Variants in PTCHD4 observed in about 807,000 individuals in gnomAD.
PTCHD4 encodes the protein patched domain containing 4, also known as patched domain-containing protein 4.
Under a neutral mutation model 58.1 loss-of-function variants are expected in PTCHD4, and 33 were observed. That is an observed-to-expected ratio of 0.57 (90% CI 0.43 to 0.76). The LOEUF is 0.76. PTCHD4 is among the 30% of genes least tolerant of loss of function. The pLI, the probability that PTCHD4 is intolerant of heterozygous loss-of-function variation, is 0.00. For missense variants in PTCHD4, 1,058 were observed against 1,027.1 expected, an observed-to-expected ratio of 1.03 and a Z score of -0.41; for synonymous variants, 478 against 409.6, an observed-to-expected ratio of 1.17 and a Z score of -2.02.
chr6:47,880,346 G>T (rs1763984312), intron 4 of PTCHD4, among the ~76,000 whole-genome samples: 2 of 152,122 alleles, frequency 1.3e-5, no homozygotes, highest in South Asian at 4.1e-4. Flanking sequence ...CTGATTCATT[G>T]ACTGACAGTT....
At chr6:47,999,173 C>T (rs188232605) in intron 4 of PTCHD4, among the ~76,000 whole-genome samples, 1 of 152,162 alleles carries the variant, frequency 6.6e-6, no homozygotes, top group Admixed American at 6.5e-5. Flanking sequence ...ACAATGAGTT[C>T]TTCCTCATCC....
chr6:47,908,460 A>G (rs768639462), intron 4 of PTCHD4, among the ~76,000 whole-genome samples: 1 of 152,154 alleles, frequency 6.6e-6, no homozygotes, highest in African/African-American at 2.4e-5. Flanking sequence ...CAGAGAGCTG[A>G]TTCTGCTCCA....
At chr6:48,049,946 A>C (rs1764172286) in intron 3 of PTCHD4, among the ~76,000 whole-genome samples, 1 of 151,956 alleles carries the variant, frequency 6.6e-6, no homozygotes, top group South Asian at 2.1e-4. Context: ...CCTCAATGTA[A>C]AACTACATCA....
chr6:47,965,887 C>T (rs1334899770), intron 4 of PTCHD4, among the ~76,000 whole-genome samples: 1 of 152,116 alleles, frequency 6.6e-6, no homozygotes, highest in East Asian at 1.9e-4. Context: ...TGCACTCCAG[C>T]CTGGGTGACA....
intron 1 of PTCHD4, among the ~76,000 whole-genome samples, chr6:48,094,820 T>C (rs1157687843): frequency 6.6e-6 from 1 of 152,216 alleles, no homozygotes; most frequent in Non-Finnish European, 1.5e-5. Context: ...AAGAAGTGAC[T>C]TTAAGGATTA....
At chr6:48,087,760 C>T (rs1291136961) in intron 1 of PTCHD4, among the ~76,000 whole-genome samples, 1 of 152,170 alleles carries the variant, frequency 6.6e-6, no homozygotes. Flanking sequence ...TCATACCTAT[C>T]TAAAAGAATT....
At chr6:48,081,618 G>A (rs901189954) in intron 1 of PTCHD4, among the ~76,000 whole-genome samples, 54 of 152,098 alleles carry the variant, frequency 3.6e-4, no homozygotes, top group African/African-American at 1.1e-3. Context: ...TATTAAATGT[G>A]CTTCTTGCCT....
intron 3 of PTCHD4, among the ~76,000 whole-genome samples, chr6:48,030,180 A>G (rs1763385975): frequency 6.6e-6 from 1 of 152,178 alleles, no homozygotes. Flanking sequence ...TTTTGCATTT[A>G]TGTAAATAAT....
At chr6:47,940,021 T>A (rs1394487434) in intron 4 of PTCHD4, among the ~76,000 whole-genome samples, 3 of 152,088 alleles carry the variant, frequency 2.0e-5, no homozygotes, top group Non-Finnish European at 2.9e-5. Flanking sequence ...GAACTAGCAA[T>A]GTTGTAAAAG....
intron 1 of PTCHD4, among the ~76,000 whole-genome samples, chr6:48,071,366 A>C (rs978518839): frequency 1.3e-5 from 2 of 152,212 alleles, no homozygotes; most frequent in Non-Finnish European, 2.9e-5. Context: ...ATGGCATGGA[A>C]ATACATTCAC....
rs1236024202 is a variant in PTCHD4 at position 47,862,066 on chromosome 6, A to G, written c.*16237T>C. Reference sequence around the variant, plus strand: ...AAGTATTCGAATTTAATACAAAAAGAAAATCTATTGGAACATTTGGTAAGA... The same window carrying G: ...AAGTATTCGAATTTAATACAAAAAGGAAATCTATTGGAACATTTGGTAAGA... On this transcript the variant is annotated 3_prime_UTR_variant, in exon 5 of 5. Coordinates refer to ENST00000339488, the MANE Select transcript of PTCHD4 (RefSeq NM_001384253.1). Among the ~76,000 whole-genome samples, 1 of 151,956 alleles carries G rather than the reference A, an allele frequency of 6.6e-6. No homozygotes were observed. Among genetic ancestry groups the G allele is most frequent in the Non-Finnish European group, 1.5e-5 (1 of 67,900 alleles).
At chr6:48,002,690 C>T (rs186209645) in intron 4 of PTCHD4, among the ~76,000 whole-genome samples, 2 of 152,024 alleles carry the variant, frequency 1.3e-5, no homozygotes, top group East Asian at 3.9e-4. Context: ...AGCACACCAA[C>T]ATGGCACATG....
chr6:47,988,132 G>T (rs570170382), intron 4 of PTCHD4, among the ~76,000 whole-genome samples: 9 of 152,152 alleles, frequency 5.9e-5, no homozygotes, highest in Admixed American at 5.9e-4. Flanking sequence ...AGGAGGAAAA[G>T]AAATATTAAA....
At chr6:47,885,879 C>T (rs751349128) in intron 4 of PTCHD4, among the ~76,000 whole-genome samples, 22 of 152,118 alleles carry the variant, frequency 1.4e-4, no homozygotes, top group Admixed American at 2.6e-4. Context: ...AGTGCGGTGG[C>T]GAGATCTCAG....
At chr6:48,022,525 C>A (rs1429961520) in intron 3 of PTCHD4, among the ~76,000 whole-genome samples, 1 of 152,042 alleles carries the variant, frequency 6.6e-6, no homozygotes, top group Non-Finnish European at 1.5e-5. Context: ...AATTGAAAGT[C>A]TTTTAATAAA....
At chr6:48,016,675 G>T (rs1385463664) in intron 3 of PTCHD4, among the ~76,000 whole-genome samples, 1 of 151,926 alleles carries the variant, frequency 6.6e-6, no homozygotes, top group African/African-American at 2.4e-5. Context: ...TTAGTTTCAG[G>T]TTACTGTTCT....
At chr6:47,965,614 T>C (rs1420947839) in intron 4 of PTCHD4, among the ~76,000 whole-genome samples, 1 of 152,196 alleles carries the variant, frequency 6.6e-6, no homozygotes, top group Non-Finnish European at 1.5e-5. Flanking sequence ...CAAAGTCTAT[T>C]GCTTAATAGG....
intron 4 of PTCHD4, among the ~76,000 whole-genome samples, chr6:48,002,605 GT>G (rs1768776454): frequency 6.9e-6 from 1 of 145,728 alleles, no homozygotes; most frequent in African/African-American, 2.5e-5. Context: ...ACTGGGGCCT[GT>G]TGTGGGGTGG....
At position 48,108,951 on chromosome 6, in the gene PTCHD4, A is replaced by G. The variant is rs549546809; in HGVS notation, c.-970+2098T>C. ...TATGAAAAAGAAACAGGACATAATTACAGATGTTGAGAAAATGAAAAATAA... is the reference window on the plus strand; with the variant it reads ...TATGAAAAAGAAACAGGACATAATTGCAGATGTTGAGAAAATGAAAAATAA... On this transcript the variant is annotated intron_variant, in intron 1 of 4. Transcript: ENST00000339488. 1.6e-3 allele frequency among the ~76,000 whole-genome samples: 241 copies of G among 152,244 alleles called. 2 individuals carry two copies. The highest frequency in any genetic ancestry group is 4.3e-3 in the South Asian group (21 of 4,830).
Sources: gnomAD v4.1 joint callset for allele counts (sites outside exome capture counted in the v4.1 genomes callset) on GRCh38, gnomAD v4.1.1 for gene constraint, MANE v1.5 for transcripts, NCBI Gene and HGNC (gene_info 2026-07-23, HGNC 2026-07-21) for gene names.